Variants in NPHP1 observed in about 807,000 individuals in gnomAD.
NPHP1 encodes nephrocystin 1.
A neutral mutation model predicts 90.4 loss-of-function variants in NPHP1; 70 were observed. The observed-to-expected ratio is 0.77, with a 90% CI of 0.64 to 0.95. The LOEUF is 0.95. NPHP1 is among the 40% of genes least tolerant of loss of function. The pLI is 0.00. For synonymous variants in NPHP1, 256 were observed against 271.7 expected (o/e 0.94, Z 0.57); for missense variants, 764 against 795.9 (o/e 0.96, Z 0.48).
chr2:110,129,867 C>G (rs1191304975), intron 17 of NPHP1, among the ~76,000 whole-genome samples: 1 of 152,170 alleles, frequency 6.6e-6, no homozygotes, highest in African/African-American at 2.4e-5. Context: ...CAAAGAAGCA[C>G]ATCAGGAAAG....
intron 11 of NPHP1, among the ~76,000 whole-genome samples, chr2:110,158,409 A>G (rs1050250297): frequency 2.0e-5 from 3 of 152,076 alleles, no homozygotes; most frequent in Non-Finnish European, 2.9e-5. Flanking sequence ...CTCCCCAACT[A>G]TAATAGAGGC....
chr2:110,148,878 G>A (rs1681262039), intron 12 of NPHP1, among the ~76,000 whole-genome samples: 1 of 152,098 alleles, frequency 6.6e-6, no homozygotes, highest in Admixed American at 6.6e-5. Context: ...CTCGACAACT[G>A]TATCCCTCCC....
chr2:110,159,583 T>G (rs536748002), intron 11 of NPHP1, among the ~76,000 whole-genome samples: 1 of 152,202 alleles, frequency 6.6e-6, no homozygotes, highest in South Asian at 2.1e-4. Context: ...TTATAATATC[T>G]CCTTATTGGC....
chr2:110,164,488 A>C (rs1230094828), intron 8 of NPHP1, 200 bp downstream of exon 8: 2 of 554,212 alleles, frequency 3.6e-6, no homozygotes, highest in Admixed American at 3.0e-5. Flanking sequence ...CTTTTTGTAC[A>C]AAAAAAAAAA....
rs1276657590 is a variant in NPHP1 at position 110,129,195 on chromosome 2, A to T, written c.1707T>A (p.Asp569Glu). 2 of 1,612,676 alleles carry T rather than the reference A, an allele frequency of 1.2e-6. No homozygotes were observed. Among genetic ancestry groups the T allele is most frequent in the Non-Finnish European group, 1.7e-6 (2 of 1,178,994 alleles). ...AATGCATGCTACCCACCCTGAGAGC[A>T]TCCATCACATCAGGCTGCTCCAAGA... ...PMLLEQPDVM[D>E]ALRSSWAGKE... The change falls in exon 18 of 20, where the codon GAT becomes GAA. Residue 569 changes from aspartate to glutamate, a missense_variant. Transcript: ENST00000445609.
At chr2:110,144,610 G>T in intron 14 of NPHP1, 41 bp from the exon 15 acceptor site, 1 of 1,254,748 alleles carries the variant, frequency 8.0e-7, no homozygotes, top group Non-Finnish European at 1.2e-6. Context: ...TAAGCTGTGG[G>T]CATGTAGAAA....
intron 11 of NPHP1, among the ~76,000 whole-genome samples, chr2:110,153,838 C>T (rs950047496): frequency 6.6e-6 from 1 of 152,030 alleles, no homozygotes; most frequent in African/African-American, 2.4e-5. Context: ...AAAAAATTAG[C>T]TGGGTGTGGT....
intron 1 of NPHP1, among the ~76,000 whole-genome samples, 160 bp from the exon 2 acceptor site, chr2:110,201,654 A>C (rs1417768182): frequency 6.6e-6 from 1 of 152,176 alleles, no homozygotes; most frequent in Admixed American, 6.5e-5. Context: ...ACCTAGAAAA[A>C]ACATTAACAT....
intron 17 of NPHP1, among the ~76,000 whole-genome samples, chr2:110,130,971 C>CA (rs1294203127): frequency 6.6e-6 from 1 of 152,152 alleles, no homozygotes; most frequent in African/African-American, 2.4e-5. Flanking sequence ...ATGCCTGTCT[C>CA]ATTCATCACT....
chr2:110,153,833 A>G (rs541850079), intron 11 of NPHP1, among the ~76,000 whole-genome samples: 33 of 152,210 alleles, frequency 2.2e-4, no homozygotes, highest in African/African-American at 5.3e-4. Context: ...AATACAAAAA[A>G]TTAGCTGGGT....
intron 3 of NPHP1, chr2:110,179,076 T>G (rs1185205320): frequency 6.4e-6 from 1 of 155,092 alleles, no homozygotes; most frequent in Admixed American, 6.4e-5. Flanking sequence ...AGAGCTGACT[T>G]TCAGGTGCCT....
intron 16 of NPHP1, among the ~76,000 whole-genome samples, chr2:110,137,763 G>T (rs1680312369): frequency 6.6e-6 from 1 of 151,306 alleles, no homozygotes; most frequent in Admixed American, 6.6e-5. Flanking sequence ...GGAAGTCAGT[G>T]TGGTGATTCC....
chr2:110,165,155 G>C lies in NPHP1; in HGVS notation c.625C>G (p.Pro209Ala), dbSNP rs1437328072. Residue 209 changes from proline (P) to alanine (A), a missense_variant and splice_region_variant, in exon 7 of 20, where the codon CCT becomes GCT. Physicochemically the swap from Pro to Ala is conservative, Grantham distance 27. Coordinates refer to ENST00000445609, the MANE Select transcript of NPHP1 (RefSeq NM_001128178.3). ...TGGCCTTCTTCTTCTTCACTATAAG[G>C]CTAAAAAACCATTGAAATGTGAAGT... is the stretch of plus-strand genomic sequence containing the variant. Reference protein sequence around the residue: ...EGLVPRTYLEPYSEEEEGQES... With the variant: ...EGLVPRTYLEAYSEEEEGQES... 1.9e-6 allele frequency: 3 copies of C among 1,608,580 alleles called. No individual in the cohort carries two copies. Among genetic ancestry groups the C allele is most frequent in the Non-Finnish European group, 2.6e-6 (3 of 1,175,558 alleles).
At chr2:110,195,274 A>T (rs1006888334) in intron 2 of NPHP1, among the ~76,000 whole-genome samples, 33 of 152,188 alleles carry the variant, frequency 2.2e-4, no homozygotes, top group African/African-American at 8.0e-4. Flanking sequence ...GTCTCAGCCT[A>T]TAATCTCCTT....
chr2:110,162,787 G>C (rs906551744), intron 9 of NPHP1, among the ~76,000 whole-genome samples: 2 of 151,942 alleles, frequency 1.3e-5, no homozygotes, highest in Non-Finnish European at 2.9e-5. Flanking sequence ...AAAGACACAG[G>C]AAAGGGCTGA....
At chr2:110,150,378 C>T (rs1681375058) in intron 11 of NPHP1, 122 bp from the exon 12 acceptor site, 1 of 852,490 alleles carries the variant, frequency 1.2e-6, no homozygotes, top group Non-Finnish European at 2.0e-6. Flanking sequence ...GGAGAACTTT[C>T]ACTTTTTACT....
intron 11 of NPHP1, among the ~76,000 whole-genome samples, chr2:110,150,801 C>T (rs548969841): frequency 4.3e-4 from 65 of 151,508 alleles, no homozygotes; most frequent in Admixed American, 7.9e-4. Flanking sequence ...CTGCCTGCCT[C>T]GGCCTCCCAA....
At chr2:110,161,070 G>A (rs1682276130) in intron 10 of NPHP1, among the ~76,000 whole-genome samples, 1 of 152,094 alleles carries the variant, frequency 6.6e-6, no homozygotes, top group East Asian at 1.9e-4. Context: ...GGAAGCTGAA[G>A]TGGGAGGGTC....
intron 16 of NPHP1, among the ~76,000 whole-genome samples, chr2:110,141,688 T>C (rs1437586866): frequency 6.6e-6 from 1 of 152,060 alleles, no homozygotes; most frequent in Non-Finnish European, 1.5e-5. Context: ...AACAGTTTGG[T>C]AGGGCCGGAT....
Sources: allele counts gnomAD v4.1 joint callset (sites outside exome capture counted in the v4.1 genomes callset), GRCh38; gene constraint gnomAD v4.1.1; transcripts MANE v1.5; gene names NCBI Gene and HGNC (gene_info 2026-07-23, HGNC 2026-07-21).